The following PFKFB3 variants were observed in gnomAD, a reference collection of about 807,000 sequenced individuals.
PFKFB3 encodes 6-phosphofructo-2-kinase/fructose-2,6-biphosphatase 3, also known as 6-phosphofructo-2-kinase/fructose-2,6-bisphosphatase 3.
A neutral mutation model predicts 68.0 loss-of-function variants in PFKFB3; 33 were observed. The ratio of observed to expected loss-of-function variants is 0.49; its 90% CI spans 0.37 to 0.65. The LOEUF is 0.65. Ranked by LOEUF, PFKFB3 falls within the 30% of genes least tolerant of loss-of-function variation. PFKFB3 has a pLI of 0.00. For synonymous variants in PFKFB3, 315 were observed against 288.2 expected, an observed-to-expected ratio of 1.09 and a Z score of -0.94; for missense variants, 586 against 712.2, an observed-to-expected ratio of 0.82 and a Z score of 2.02.
At chr10:6,324,639 A>G in the PFKFB3 span, among the ~76,000 whole-genome samples, 4 of 152,106 alleles carry the variant, frequency 2.6e-5, no homozygotes, top group Non-Finnish European at 5.9e-5. Context: ...CATGTTGGCC[A>G]GGCTGGTCTC....
chr10:6,181,866 ACACT>A (rs1842723493), intron 1 of PFKFB3, among the ~76,000 whole-genome samples: 3 of 151,996 alleles, frequency 2.0e-5, no homozygotes, highest in Middle Eastern at 3.4e-3. Context: ...TAGAAGAATC[ACACT>A]CACAGAGACA....
intron 1 of PFKFB3, among the ~76,000 whole-genome samples, chr10:6,197,075 C>T (rs1257312361): frequency 1.3e-5 from 2 of 151,916 alleles, no homozygotes; most frequent in Admixed American, 1.3e-4. Context: ...GCCTCTGCCT[C>T]CCAGGTTCAA....
In PFKFB3 at chr10:6,220,917, G is replaced by T. The variant is rs1360811053; in HGVS notation, c.831+52G>T. The T allele has an allele frequency of 1.3e-6, 2 of 1,512,540 alleles. No individual in the cohort carries two copies. The highest frequency in any genetic ancestry group is 1.1e-5 in the South Asian group (1 of 89,058). The allele number at this position is 1,512,540 out of a possible 1,614,324, so 93.7% of individuals were successfully genotyped here. A position where few individuals can be genotyped will look rare whatever the true frequency, so the allele number is the denominator to read the frequency against. On this transcript the variant is annotated intron_variant, in intron 8 of 14. Coordinates refer to ENST00000379775, the MANE Select transcript of PFKFB3 (RefSeq NM_004566.4). This position sits in a 1 kb window ranked among gnomAD's most constrained non-coding sequence, Gnocchi z 4.1. ...GTTCTGGCTGTAGGGCGGTTGCAGG[G>T]TCTATAGGGTGGGTGGGGAGCTGTG...
chr10:6,245,410 T>TATTA (rs1428631831), intron 14 of PFKFB3, among the ~76,000 whole-genome samples: 2 of 149,880 alleles, frequency 1.3e-5, no homozygotes, highest in Non-Finnish European at 3.0e-5. Flanking sequence ...GATTTATTAT[T>TATTA]ATTATTATTA....
intron 1 of PFKFB3, among the ~76,000 whole-genome samples, chr10:6,183,780 C>A (rs1195353678): frequency 6.7e-6 from 1 of 149,040 alleles, no homozygotes; most frequent in Non-Finnish European, 1.5e-5. Context: ...CTCTGCCTCC[C>A]GGGTTCACGC....
intron 1 of PFKFB3, among the ~76,000 whole-genome samples, chr10:6,161,692 G>A (rs1841981810): frequency 6.6e-6 from 1 of 151,824 alleles, no homozygotes. Context: ...GAGTGCAGTG[G>A]TGCCATCAGG....
chr10:6,290,055 G>A, the PFKFB3 span, among the ~76,000 whole-genome samples: 1 of 152,122 alleles, frequency 6.6e-6, no homozygotes, highest in Non-Finnish European at 1.5e-5. Context: ...CATTGATTTT[G>A]TATCCTGAGA....
At chr10:6,177,438 C>CTCTCTT (rs755279276) in intron 1 of PFKFB3, among the ~76,000 whole-genome samples, 3 of 86,630 alleles carry the variant, frequency 3.5e-5, no homozygotes, top group Non-Finnish European at 6.9e-5. Flanking sequence ...TCTTTTCTTT[C>CTCTCTT]TCTTTCTTTC....
the PFKFB3 span, among the ~76,000 whole-genome samples, chr10:6,306,050 T>A: frequency 6.6e-6 from 1 of 152,198 alleles, no homozygotes; most frequent in African/African-American, 2.4e-5. Flanking sequence ...AGAGACAGGG[T>A]CTTGCTATGT....
intron 14 of PFKFB3, among the ~76,000 whole-genome samples, chr10:6,226,912 C>A (rs903173120): frequency 6.6e-6 from 1 of 152,122 alleles, no homozygotes; most frequent in South Asian, 2.1e-4. Context: ...ATGGCGAAAC[C>A]CTGTCTTTAC....
At chr10:6,175,119 T>C (rs1448045685) in intron 1 of PFKFB3, among the ~76,000 whole-genome samples, 1 of 152,200 alleles carries the variant, frequency 6.6e-6, no homozygotes, top group Non-Finnish European at 1.5e-5. Flanking sequence ...CAGACTGTTT[T>C]GTTTCTTTTC....
the PFKFB3 span, among the ~76,000 whole-genome samples, chr10:6,262,178 G>A: frequency 2.0e-5 from 3 of 151,982 alleles, no homozygotes; most frequent in East Asian, 3.9e-4. Context: ...CTGTTGGCCG[G>A]GCGTGGTGGC....
At chr10:6,194,269 G>A (rs923870116) in intron 1 of PFKFB3, among the ~76,000 whole-genome samples, 2 of 152,144 alleles carry the variant, frequency 1.3e-5, no homozygotes, top group East Asian at 1.9e-4. Flanking sequence ...GGTTCATCAC[G>A]GTTGAGTCTC....
intron 1 of PFKFB3, chr10:6,145,046 A>G: frequency 7.6e-7 from 1 of 1,313,948 alleles, no homozygotes; most frequent in Non-Finnish European, 9.7e-7. Flanking sequence ...CCACGCCCCC[A>G]GCGCGCGCGG....
chr10:6,220,932 G>A lies in PFKFB3; in HGVS notation c.831+67G>A. The A allele has an allele frequency of 7.0e-7, 1 of 1,432,532 alleles. No homozygotes were observed. Among genetic ancestry groups the A allele is most frequent in the Non-Finnish European group, 9.7e-7 (1 of 1,033,526 alleles). 88.7% of individuals were successfully genotyped at this position (1,432,532 alleles called of 1,614,324 possible). A position where few individuals can be genotyped will look rare whatever the true frequency, so the allele number is the denominator to read the frequency against. On this transcript the variant is annotated intron_variant, in intron 8 of 14. Coordinates refer to ENST00000379775, the MANE Select transcript of PFKFB3 (RefSeq NM_004566.4). The surrounding 1 kb of genome is among the most constrained non-coding windows in gnomAD (Gnocchi z 4.1). ...CGGTTGCAGGGTCTATAGGGTGGGT[G>A]GGGAGCTGTGTGCTGCTGCTGCTGC...
chr10:6,261,838 T>C, the PFKFB3 span, among the ~76,000 whole-genome samples: 7 of 151,900 alleles, frequency 4.6e-5, no homozygotes, highest in Non-Finnish European at 8.8e-5. Context: ...CTACTAAAAA[T>C]ACAAAAATTA....
intron 1 of PFKFB3, among the ~76,000 whole-genome samples, chr10:6,175,210 G>A (rs1312336933): frequency 1.3e-5 from 2 of 152,236 alleles, no homozygotes; most frequent in South Asian, 2.1e-4. Context: ...CAAGTAGAGA[G>A]AATATGAGGT....
At position 6,219,571 on chromosome 10, in the gene PFKFB3, A is replaced by C; in HGVS notation, c.501A>C (p.Glu167Asp). Residue 167 changes from glutamate (E) to aspartate (D), a missense_variant and splice_region_variant, in exon 7 of 15, where the codon GAA becomes GAC. Glu to Asp is a conservative substitution (Grantham distance 45). Coordinates refer to ENST00000379775, the MANE Select transcript of PFKFB3 (RefSeq NM_004566.4). ...GCCACCCCTTTGTGGTGTTGCAGGA[A>C]GTTAAAATCTCCAGCCCGGATTACA... is the stretch of plus-strand genomic sequence containing the variant. ...DPTVVASNIMEVKISSPDYKD... is the reference protein window; with the variant it reads ...DPTVVASNIMDVKISSPDYKD... 1.2e-6 allele frequency: 2 copies of C among 1,614,056 alleles called. No homozygotes were observed. Among genetic ancestry groups the C allele is most frequent in the Non-Finnish European group, 8.5e-7 (1 of 1,179,952 alleles).
At position 6,172,576 on chromosome 10, in the gene PFKFB3, G is replaced by T. The variant is rs80021509; in HGVS notation, c.16+27563G>T. ...TAAGTGACTTATCCAAGACCACAGG[G>T]CTTGCAAATGGCAAGTGGGAGGATT... On this transcript the variant is annotated intron_variant, in intron 1 of 14. Transcript: ENST00000379789. Among the ~76,000 whole-genome samples the T allele has an allele frequency of 3.9e-5, 6 of 152,302 alleles. No homozygotes were observed. In the East Asian group the frequency reaches 1.2e-3, roughly 29 times the overall value.
Sources: gnomAD v4.1 joint callset for allele counts (sites outside exome capture counted in the v4.1 genomes callset) on GRCh38, gnomAD v4.1.1 for gene constraint, Gnocchi (gnomAD v3.1) non-coding constraint, MANE v1.5 for transcripts, NCBI Gene and HGNC (gene_info 2026-07-23, HGNC 2026-07-21) for gene names.